Variants in RBFOX2 observed in about 807,000 individuals in gnomAD.
RBFOX2 encodes RNA binding fox-1 homolog 2, also known as RNA binding protein fox-1 homolog 2.
A neutral mutation model predicts 49.1 loss-of-function variants in RBFOX2; 10 were observed. That is an observed-to-expected ratio of 0.20 (90% CI 0.13 to 0.35). The LOEUF (loss-of-function observed/expected upper bound fraction) is 0.35, where lower values mean the gene tolerates loss of function less well. Ranked by LOEUF, RBFOX2 falls within the 10% of genes least tolerant of loss-of-function variation. The probability of loss-of-function intolerance (pLI) is 1.00; values close to 1 mark genes in which losing one functional copy is unlikely to be tolerated. For synonymous variants in RBFOX2, 183 were observed against 187.4 expected (o/e 0.98, Z 0.19); for missense variants, 323 against 486.9 (o/e 0.66, Z 3.17).
chr22:35,886,050 G>T (rs1186774204), intron 1 of RBFOX2, among the ~76,000 whole-genome samples: 1 of 151,542 alleles, frequency 6.6e-6, no homozygotes, highest in Admixed American at 6.6e-5. Flanking sequence ...TAGAGACGGG[G>T]TTTCACCATG....
chr22:35,792,331 AAAAG>A (rs1319337035), intron 2 of RBFOX2, among the ~76,000 whole-genome samples: 111 of 96,864 alleles, frequency 1.1e-3, no homozygotes, highest in African/African-American at 4.5e-3. Context: ...AAAAAAAAAA[AAAAG>A]AAAAGAAAAG....
chr22:35,817,655 T>C (rs1422504102), intron 1 of RBFOX2, among the ~76,000 whole-genome samples: 2 of 152,092 alleles, frequency 1.3e-5, no homozygotes, highest in African/African-American at 4.8e-5. Flanking sequence ...TACTGAAATG[T>C]AGGCCTCACA....
chr22:35,942,006 T>C (rs941050170), upstream of RBFOX2, among the ~76,000 whole-genome samples: 1 of 152,244 alleles, frequency 6.6e-6, no homozygotes, highest in East Asian at 1.9e-4. Flanking sequence ...TTCAGTAATT[T>C]GGCATTTTTG....
At chr22:36,009,442 T>C (rs536703870) in intron 1 of RBFOX2, among the ~76,000 whole-genome samples, 7 of 152,288 alleles carry the variant, frequency 4.6e-5, no homozygotes, top group East Asian at 3.9e-4. Flanking sequence ...GGTGCAATCA[T>C]GGCTCACTGC....
chr22:35,824,041 C>T (rs761990582), intron 1 of RBFOX2, among the ~76,000 whole-genome samples: 7 of 151,978 alleles, frequency 4.6e-5, no homozygotes, highest in East Asian at 1.9e-4. Flanking sequence ...CCCAGCTACT[C>T]GGGAGGCTGA....
upstream of RBFOX2, among the ~76,000 whole-genome samples, chr22:35,843,316 G>C (rs998692293): frequency 2.6e-5 from 4 of 152,156 alleles, no homozygotes; most frequent in Admixed American, 2.0e-4. Flanking sequence ...TAATGAAGGA[G>C]GCCCTGCCTT....
intron 9 of RBFOX2, among the ~76,000 whole-genome samples, chr22:35,754,191 AT>A (rs1337904663): frequency 6.6e-6 from 1 of 150,608 alleles, no homozygotes; most frequent in Non-Finnish European, 1.5e-5. Context: ...TCCCAGGTTC[AT>A]GCCATTCTCC....
chr22:35,778,118 T>C, intron 3 of RBFOX2, 40 bp from the exon 5 acceptor site: 1 of 1,499,516 alleles, frequency 6.7e-7, no homozygotes, highest in Non-Finnish European at 9.2e-7. Flanking sequence ...TATGGTCAGG[T>C]TTTTATCCAC....
rs943697311 is a variant in RBFOX2 at position 35,749,611 on chromosome 22, A to G, written c.888-3050T>C. The stretch of plus-strand genomic sequence containing the variant: ...AATGTGAGAAAAAGAAAATTCAGAT[A>G]TATTTATTTCTATTCCAGATTTCAA... On this transcript the variant is annotated intron_variant, in intron 9 of 11. Coordinates refer to ENST00000405409, the Ensembl canonical transcript of RBFOX2. This position sits in a 1 kb window ranked among gnomAD's most constrained non-coding sequence, Gnocchi z 4.1. 1.3e-5 allele frequency among the ~76,000 whole-genome samples: 2 copies of G among 152,164 alleles called. No individual in the cohort carries two copies. The highest frequency in any genetic ancestry group is 6.6e-5 in the Admixed American group (1 of 15,258).
chr22:35,745,154 TC>T (rs1464258179), intron 11 of RBFOX2, among the ~76,000 whole-genome samples: 4 of 152,198 alleles, frequency 2.6e-5, no homozygotes, highest in Non-Finnish European at 5.9e-5. Flanking sequence ...TCATTCTGTC[TC>T]CTTTTCAAAC....
At chr22:35,843,854 G>A (rs1379455990), upstream of RBFOX2, among the ~76,000 whole-genome samples, 1 of 152,194 alleles carries the variant, frequency 6.6e-6, no homozygotes, top group Non-Finnish European at 1.5e-5. Flanking sequence ...TCCACGCAGA[G>A]AGGATCTGTA....
At chr22:35,763,272 C>A (rs1303488857) in intron 6 of RBFOX2, among the ~76,000 whole-genome samples, 1 of 152,058 alleles carries the variant, frequency 6.6e-6, no homozygotes, top group Non-Finnish European at 1.5e-5. Flanking sequence ...CCTTTAAATC[C>A]ACATAATGGG....
At chr22:35,897,283 C>T in intron 1 of RBFOX2, 1 of 1,509,336 alleles carries the variant, frequency 6.6e-7, no homozygotes, top group South Asian at 1.1e-5. Flanking sequence ...ACGGTCTTGG[C>T]CAGCTTCACA....
chr22:35,852,226 C>T (rs2042021227), intron 1 of RBFOX2, among the ~76,000 whole-genome samples: 1 of 152,050 alleles, frequency 6.6e-6, no homozygotes, highest in African/African-American at 2.4e-5. Flanking sequence ...AAATACTACA[C>T]CATTTTATAT....
intron 2 of RBFOX2, among the ~76,000 whole-genome samples, chr22:35,799,384 G>A (rs1438168426): frequency 6.6e-6 from 1 of 152,030 alleles, no homozygotes; most frequent in Non-Finnish European, 1.5e-5. Context: ...GCACAGTATG[G>A]GACCAACTGA....
At position 35,885,843 on chromosome 22, in the gene RBFOX2, A is replaced by ATTTTTTTTT. The variant is rs538674450; in HGVS notation, c.-34+52995_-34+53003dup. Among the ~76,000 whole-genome samples the ATTTTTTTTT allele has an allele frequency of 1.2e-4, 10 of 83,152 alleles. 1 individual carries two copies. The highest frequency in any genetic ancestry group is 3.2e-4 in the African/African-American group (6 of 18,756). The allele number at this position is 83,152 out of a possible 152,430, so 54.6% of individuals were successfully genotyped here. ...TTGGGTTAAGTGAAACCCAAACCTA[A>ATTTTTTTTT]TTTTTTTTTTTTTTTTTTTTTTTTT... On this transcript the variant is annotated intron_variant, in intron 1 of 13. Coordinates refer to the RBFOX2 transcript ENST00000359369.
chr22:36,008,300 A>T (rs138245481), intron 1 of RBFOX2, among the ~76,000 whole-genome samples: 264 of 152,300 alleles, frequency 1.7e-3, no homozygotes, highest in African/African-American at 5.9e-3. Context: ...GCAATGTTTA[A>T]CATGTGGTAA....
chr22:35,871,363 T>A (rs2044334454), intron 1 of RBFOX2, among the ~76,000 whole-genome samples: 1 of 152,172 alleles, frequency 6.6e-6, no homozygotes. Flanking sequence ...AGGAAAGGCA[T>A]TCTGAAAAAC....
Position 35,760,077 on chromosome 22 carries a change from A to T in RBFOX2, c.755-57T>A, listed in dbSNP as rs369127178. The T allele has an allele frequency of 4.6e-5, 73 of 1,597,174 alleles. No homozygotes were observed. In the African/African-American group the frequency reaches 9.5e-4, roughly 21 times the overall value. On this transcript the variant is annotated intron_variant, in intron 8 of 11. Transcript: ENST00000405409. ...TCAACTTGCATTCAATAGAAGGTGC[A>T]CAGTCACAACTTGCTATGAACCAAT... is the stretch of plus-strand genomic sequence containing the variant.
Sources: allele counts gnomAD v4.1 joint callset (sites outside exome capture counted in the v4.1 genomes callset), GRCh38; gene constraint gnomAD v4.1.1; non-coding constraint Gnocchi (gnomAD v3.1); transcripts MANE v1.5; gene names NCBI Gene and HGNC (gene_info 2026-07-23, HGNC 2026-07-21).